The following VAV2 variants were observed in gnomAD, a reference collection of about 807,000 sequenced individuals.
The protein encoded by VAV2 is guanine nucleotide exchange factor VAV2.
Under a neutral mutation model 132.5 loss-of-function variants are expected in VAV2, and 67 were observed. That is an observed-to-expected ratio of 0.51 (90% confidence interval 0.42 to 0.62). The LOEUF is 0.62. VAV2 is among the 20% of genes least tolerant of loss of function. The probability of loss-of-function intolerance (pLI) is 0.00; values close to 1 mark genes in which losing one functional copy is unlikely to be tolerated. For synonymous variants in VAV2, 492 were observed against 443.5 expected (o/e 1.11, Z -1.37); for missense variants, 938 against 1,153.6 (o/e 0.81, Z 2.71).
rs58155949 is a variant in VAV2, at chr9:133,802,323, TACACACACAC to T, written c.836+3748_836+3757del. Among the ~76,000 whole-genome samples, 39 of 142,198 alleles carry T rather than the reference TACACACACAC, an allele frequency of 2.7e-4. 1 individual carries two copies. The highest frequency in any genetic ancestry group is 1.2e-3 in the South Asian group (5 of 4,056). 93.3% of individuals were successfully genotyped at this position (142,198 alleles called of 152,430 possible). A position where few individuals can be genotyped will look rare whatever the true frequency, so the allele number is the denominator to read the frequency against. On this transcript the variant is annotated intron_variant, in intron 9 of 29. Coordinates refer to ENST00000371850, the MANE Select transcript of VAV2 (RefSeq NM_001134398.2). This position sits in a 1 kb window ranked among gnomAD's most constrained non-coding sequence, Gnocchi z 5.8. ...GCACACAAACACACAAGCACGCGTGTACACACACACACACACACACACACACACACACGAC... is the reference window on the plus strand; with the variant it reads ...GCACACAAACACACAAGCACGCGTGTACACACACACACACACACACACGAC...
chr9:133,953,057 A>G (rs1249951340), intron 1 of VAV2, among the ~76,000 whole-genome samples: 1 of 152,046 alleles, frequency 6.6e-6, no homozygotes, highest in Non-Finnish European at 1.5e-5. Context: ...TAGAACCTGG[A>G]GGGAGCACGG....
chr9:133,964,069 A>ATG lies in VAV2; in HGVS notation c.205-24851_205-24850insCA, dbSNP rs1491248432. Among the ~76,000 whole-genome samples, 71 of 126,234 alleles carry ATG rather than the reference A, an allele frequency of 5.6e-4. 2 individuals carry two copies. In the South Asian group the frequency reaches 0.016, roughly 28 times the overall value. The allele number at this position is 126,234 out of a possible 152,430, so 82.8% of individuals were successfully genotyped here. On this transcript the variant is annotated intron_variant, in intron 1 of 29. Coordinates refer to ENST00000371850, the MANE Select transcript of VAV2 (RefSeq NM_001134398.2). ...TATATACATATATATACATATATATAAATGAATAGGCCAGGTATGTTGGCT... is the reference window on the plus strand; with the variant it reads ...TATATACATATATATACATATATATATGAATGAATAGGCCAGGTATGTTGGCT...
chr9:133,848,279 C>CAAAAAAAAAAAAAAAAAAAAAAAAA (rs34908811), intron 3 of VAV2, among the ~76,000 whole-genome samples: 1 of 48,628 alleles, frequency 2.1e-5, no homozygotes, highest in African/African-American at 4.8e-5. Context: ...GACTCCGTCT[C>CAAAAAAAAAAAAAAAAAAAAAAAAA]AAAAAAAAAA....
At chr9:133,778,610 G>A in intron 22 of VAV2, 152 bp downstream of exon 22, 1 of 1,236,038 alleles carries the variant, frequency 8.1e-7, no homozygotes. Flanking sequence ...GGCAGGAGAG[G>A]CCTTGCTAGG....
rs7875782 is a variant in VAV2, at chr9:133,864,746, T to G, written c.322-3314A>C. Among the ~76,000 whole-genome samples, 318 of 152,350 alleles carry G rather than the reference T, an allele frequency of 2.1e-3. 2 individuals are homozygous for G. The highest frequency in any genetic ancestry group is 7.3e-3 in the African/African-American group (303 of 41,586). ...TGGCCAGACGGGTAACGCCACAGAC[T>G]GGGTCAAAGCCTGCGGGAAGCCAGG... On this transcript the variant is annotated intron_variant, in intron 2 of 29. Coordinates refer to ENST00000371850, the MANE Select transcript of VAV2 (RefSeq NM_001134398.2).
intron 1 of VAV2, among the ~76,000 whole-genome samples, chr9:133,949,978 G>A (rs1051242409): frequency 1.3e-5 from 2 of 152,202 alleles, no homozygotes; most frequent in Non-Finnish European, 2.9e-5. Context: ...GCGCCCAGCC[G>A]GTGAGAACCA....
At chr9:133,953,615 T>C (rs915347718) in intron 1 of VAV2, among the ~76,000 whole-genome samples, 6 of 152,132 alleles carry the variant, frequency 3.9e-5, no homozygotes, top group Non-Finnish European at 5.9e-5. Flanking sequence ...AGGAAGCACT[T>C]GTGTGGAACC....
intron 2 of VAV2, among the ~76,000 whole-genome samples, chr9:133,911,177 T>C (rs1456981198): frequency 6.6e-6 from 1 of 152,200 alleles, no homozygotes; most frequent in African/African-American, 2.4e-5. Flanking sequence ...GAAGCACATT[T>C]TTAATAAAAA....
At chr9:133,989,168 G>A (rs1446142620) in intron 1 of VAV2, among the ~76,000 whole-genome samples, 7 of 152,198 alleles carry the variant, frequency 4.6e-5, no homozygotes, top group Middle Eastern at 3.4e-3. Context: ...GAGAAACCCC[G>A]TCTCTACTAA....
At position 133,804,572 on chromosome 9, in the gene VAV2, T is replaced by TC. The variant is rs1419423308; in HGVS notation, c.836+1508dup. Among the ~76,000 whole-genome samples, 1 of 152,132 alleles carries TC rather than the reference T, an allele frequency of 6.6e-6. No homozygotes were observed. Among genetic ancestry groups the TC allele is most frequent in the Non-Finnish European group, 1.5e-5 (1 of 68,012 alleles). ...ACTCTACCACACAGCCAGCCATTCCTCCTCCAGGGCTTCAGCCTTTGACGG... is the reference window on the plus strand; with the variant it reads ...ACTCTACCACACAGCCAGCCATTCCTCCCTCCAGGGCTTCAGCCTTTGACGG... On this transcript the variant is annotated intron_variant, in intron 9 of 29. Transcript: ENST00000371850. This position sits in a 1 kb window ranked among gnomAD's most constrained non-coding sequence, Gnocchi z 4.5.
rs1478396665 is a variant in VAV2, at chr9:133,957,222, C to A, written c.205-18003G>T. Among the ~76,000 whole-genome samples, 8 of 152,298 alleles carry A rather than the reference C, an allele frequency of 5.3e-5. No homozygotes were observed. In the East Asian group the frequency reaches 1.5e-3, roughly 29 times the overall value. On this transcript the variant is annotated intron_variant, in intron 1 of 29. Coordinates refer to ENST00000371850, the MANE Select transcript of VAV2 (RefSeq NM_001134398.2). The stretch of plus-strand genomic sequence containing the variant: ...AGCTGCTGCAGGTCCGGTCTCATTT[C>A]ACCAGGGAAGGATGTGTGCCCAGGA...
intron 2 of VAV2, among the ~76,000 whole-genome samples, chr9:133,871,470 ATGGATG>A (rs1564423304): frequency 0.26 from 11,994 of 45,950 alleles, 602 homozygotes; most frequent in South Asian, 0.4. Flanking sequence ...GGAGAAGCGG[ATGGATG>A]GATGGATGGA....
At chr9:133,913,591 C>G (rs958518760) in intron 2 of VAV2, among the ~76,000 whole-genome samples, 1 of 152,198 alleles carries the variant, frequency 6.6e-6, no homozygotes, top group Admixed American at 6.5e-5. Context: ...TCCCAGGAGG[C>G]GGGGGACCGG....
chr9:133,950,303 G>A (rs1194572814), intron 1 of VAV2, among the ~76,000 whole-genome samples: 1 of 152,104 alleles, frequency 6.6e-6, no homozygotes, highest in Non-Finnish European at 1.5e-5. Context: ...GGAGCAGGTG[G>A]GCAGCTGGGA....
intron 2 of VAV2, among the ~76,000 whole-genome samples, chr9:133,889,799 A>G: frequency 6.6e-6 from 1 of 152,056 alleles, no homozygotes; most frequent in Non-Finnish European, 1.5e-5. Context: ...GTTAAACCTA[A>G]TCAGGCTTCC....
Position 133,992,213 on chromosome 9 carries a change from C to T in VAV2, c.66G>A (p.Arg22=). ...AGACCACGGCCGAGGGCCACACCAC[C>T]CGGTGGTTGGGCGGCAGGACCTTGC... is the stretch of plus-strand genomic sequence containing the variant. The part of the protein sequence containing the change: ...IDCKVLPPNH[R]VVWPSAVVFD... Residue 22 remains arginine (R), a synonymous_variant, in exon 1 of 30, where the codon CGG becomes CGA. Coordinates refer to ENST00000371850, the MANE Select transcript of VAV2 (RefSeq NM_001134398.2). The surrounding 1 kb of genome is among the most constrained non-coding windows in gnomAD (Gnocchi z 5.5). The T allele has an allele frequency of 4.4e-6, 7 of 1,595,568 alleles. No homozygotes were observed. In the South Asian group the frequency reaches 7.9e-5, roughly 18 times the overall value.
chr9:133,945,588 T>C lies in VAV2; in HGVS notation c.205-6369A>G, dbSNP rs557858483. Among the ~76,000 whole-genome samples the C allele has an allele frequency of 5.3e-5, 8 of 152,216 alleles. No individual in the cohort carries two copies. The South Asian group carries it at 1.7e-3, about 32-fold the overall frequency. On this transcript the variant is annotated intron_variant, in intron 1 of 29. Transcript: ENST00000371850. ...TCTGGCAGGCCCATGCCCGGGAAAG[T>C]CCCTTTGGCTGCCCCACCAGGAAGG...
At chr9:133,987,466 G>A (rs543134749) in intron 1 of VAV2, among the ~76,000 whole-genome samples, 8 of 152,376 alleles carry the variant, frequency 5.3e-5, no homozygotes, top group Admixed American at 2.0e-4. Flanking sequence ...CACAGCTCAC[G>A]ATGGCACACA....
intron 2 of VAV2, among the ~76,000 whole-genome samples, chr9:133,916,798 T>G (rs955767819): frequency 2.9e-5 from 1 of 34,440 alleles, no homozygotes; most frequent in Non-Finnish European, 2.3e-4. Context: ...AATGCAGATG[T>G]TGGGACTGTT....
Sources: gnomAD v4.1 joint callset for allele counts (sites outside exome capture counted in the v4.1 genomes callset) on GRCh38, gnomAD v4.1.1 for gene constraint, Gnocchi (gnomAD v3.1) non-coding constraint, MANE v1.5 for transcripts, NCBI Gene and HGNC (gene_info 2026-07-23, HGNC 2026-07-21) for gene names.